The following PSD3 variants were observed in gnomAD, a reference collection of about 807,000 sequenced individuals.
PSD3 encodes PH and SEC7 domain-containing protein 3.
In PSD3, 49 loss-of-function variants were observed where a neutral mutation model predicts 105.5. The ratio of observed to expected loss-of-function variants is 0.46; its 90% CI spans 0.37 to 0.59. PSD3 has a LOEUF of 0.59. PSD3 is among the 20% of genes least tolerant of loss of function. PSD3 has a pLI of 0.00. For missense variants in PSD3, 1,561 were observed against 1,263.8 expected (o/e 1.24, Z -3.57); for synonymous variants, 557 against 457.8 (o/e 1.22, Z -2.77).
At chr8:18,862,535 GGCA>G (rs1195302783) in intron 4 of PSD3, among the ~76,000 whole-genome samples, 1 of 152,134 alleles carries the variant, frequency 6.6e-6, no homozygotes, top group African/African-American at 2.4e-5. Flanking sequence ...GAAGCCACAA[GGCA>G]GCAGACCTTC....
At chr8:18,541,296 C>A (rs1180486987) in intron 15 of PSD3, among the ~76,000 whole-genome samples, 2 of 151,732 alleles carry the variant, frequency 1.3e-5, no homozygotes, top group African/African-American at 4.8e-5. Flanking sequence ...ATAAGCGCCA[C>A]TGAGTGCATG....
At chr8:18,907,890 G>C (rs1327263375) in intron 2 of PSD3, among the ~76,000 whole-genome samples, 2 of 152,200 alleles carry the variant, frequency 1.3e-5, no homozygotes, top group Admixed American at 6.5e-5. Flanking sequence ...TTTATTAAAT[G>C]TATTGCTAAG....
intron 2 of PSD3, among the ~76,000 whole-genome samples, chr8:18,885,740 T>C (rs1410093646): frequency 1.3e-5 from 2 of 152,210 alleles, no homozygotes; most frequent in Non-Finnish European, 2.9e-5. Flanking sequence ...TTGTCCCAAG[T>C]ATATCTAGAA....
chr8:18,638,852 CA>C (rs749762617), intron 10 of PSD3, among the ~76,000 whole-genome samples: 1 of 152,092 alleles, frequency 6.6e-6, no homozygotes, highest in Non-Finnish European at 1.5e-5. Flanking sequence ...TTACTGTAAT[CA>C]AAACAGCATG....
chr8:18,937,432 T>C (rs950644544), intron 1 of PSD3, among the ~76,000 whole-genome samples: 2 of 152,190 alleles, frequency 1.3e-5, no homozygotes, highest in Non-Finnish European at 1.5e-5. Flanking sequence ...AAGAGGGAAA[T>C]GTTAGTATTT....
chr8:19,008,741 C>T (rs923305026), intron 1 of PSD3, among the ~76,000 whole-genome samples: 3 of 152,142 alleles, frequency 2.0e-5, no homozygotes, highest in African/African-American at 7.2e-5. Flanking sequence ...CCAAGCTGCT[C>T]GATTTCTATA....
intron 9 of PSD3, among the ~76,000 whole-genome samples, chr8:18,681,628 T>C (rs1319559986): frequency 6.6e-6 from 1 of 152,070 alleles, no homozygotes; most frequent in Admixed American, 6.6e-5. Context: ...ATGTCTATTA[T>C]AGTATAATTA....
intron 9 of PSD3, among the ~76,000 whole-genome samples, chr8:18,688,498 T>C (rs1297270615): frequency 6.6e-6 from 1 of 152,234 alleles, no homozygotes; most frequent in African/African-American, 2.4e-5. Flanking sequence ...TATTCGAGCA[T>C]GTGAATGTAT....
In PSD3 at chr8:18,804,750, G is replaced by C; in HGVS notation, c.1783C>G (p.Leu595Val). The change falls in exon 5 of 16, where the codon CTG (leucine) becomes GTG (valine). Residue 595 changes from leucine to valine, a missense_variant. Coordinates refer to ENST00000327040, the MANE Select transcript of PSD3 (RefSeq NM_015310.4). ...AKRLAKRLYQ[L>V]DRFKRSDVAK... ...ACATCTGATCTTTTGAATCTGTCCA[G>C]CTGATAAAGGCGTTTGGCCAACCTT... 6.2e-7 allele frequency: 1 copy of C among 1,614,122 alleles called. No homozygotes were observed. The highest frequency in any genetic ancestry group is 1.6e-4 in the Middle Eastern group (1 of 6,062).
At chr8:18,867,600 C>T in intron 4 of PSD3, 74 bp downstream of exon 4, 1 of 1,498,474 alleles carries the variant, frequency 6.7e-7, no homozygotes, top group Non-Finnish European at 9.0e-7. Context: ...AATATATATT[C>T]CACACTCAGA....
chr8:19,078,986 C>T (rs188753145), intron 1 of PSD3, among the ~76,000 whole-genome samples: 35 of 152,028 alleles, frequency 2.3e-4, no homozygotes, highest in Admixed American at 2.1e-3. Flanking sequence ...TGCTTTTCAA[C>T]ATGTTGCAAG....
intron 9 of PSD3, among the ~76,000 whole-genome samples, chr8:18,689,020 T>C (rs1800818272): frequency 6.6e-6 from 1 of 152,252 alleles, no homozygotes; most frequent in South Asian, 2.1e-4. Flanking sequence ...GTGCTTCACC[T>C]TCTGATGCTT....
At chr8:18,714,425 A>G (rs1802449150) in intron 9 of PSD3, among the ~76,000 whole-genome samples, 2 of 150,958 alleles carry the variant, frequency 1.3e-5, no homozygotes, top group Non-Finnish European at 2.9e-5. Context: ...TTAAATTTAC[A>G]AGAAAAAAAA....
chr8:18,992,097 G>A (rs1825836794), intron 1 of PSD3, among the ~76,000 whole-genome samples: 1 of 152,120 alleles, frequency 6.6e-6, no homozygotes, highest in Admixed American at 6.5e-5. Flanking sequence ...GTCTATGGTA[G>A]AACATTTTTA....
At chr8:18,632,223 C>T (rs971452030) in intron 11 of PSD3, among the ~76,000 whole-genome samples, 11 of 152,156 alleles carry the variant, frequency 7.2e-5, no homozygotes, top group Admixed American at 2.0e-4. Flanking sequence ...TTTTTCTATG[C>T]GTTGCAAATT....
At chr8:18,962,830 C>T (rs912585024) in intron 1 of PSD3, among the ~76,000 whole-genome samples, 8 of 152,230 alleles carry the variant, frequency 5.3e-5, no homozygotes, top group African/African-American at 1.9e-4. Context: ...TCTAGGTTCT[C>T]TTGTCACTCC....
chr8:18,879,954 GA>G (rs1818009682), intron 2 of PSD3, among the ~76,000 whole-genome samples: 1 of 152,126 alleles, frequency 6.6e-6, no homozygotes, highest in African/African-American at 2.4e-5. Context: ...AATAAAACCA[GA>G]AGTGTTCTAG....
chr8:18,897,626 A>G (rs551780651), intron 2 of PSD3, among the ~76,000 whole-genome samples: 1 of 152,268 alleles, frequency 6.6e-6, no homozygotes, highest in East Asian at 1.9e-4. Context: ...AATTCTCCCA[A>G]TTCATGAAAA....
chr8:18,866,182 A>G (rs1816921360), intron 4 of PSD3, among the ~76,000 whole-genome samples: 1 of 152,174 alleles, frequency 6.6e-6, no homozygotes, highest in African/African-American at 2.4e-5. Flanking sequence ...GTTTTATCAC[A>G]ATTTGCAGTC....
Sources: allele counts gnomAD v4.1 joint callset (sites outside exome capture counted in the v4.1 genomes callset), GRCh38; gene constraint gnomAD v4.1.1; transcripts MANE v1.5; gene names NCBI Gene and HGNC (gene_info 2026-07-23, HGNC 2026-07-21).